Variants in GHR observed in about 807,000 individuals in gnomAD.
GHR encodes GH receptor.
In GHR, 35 loss-of-function variants were observed where a neutral mutation model predicts 67.1. That is an observed-to-expected ratio of 0.52 (90% CI 0.40 to 0.69). The LOEUF is 0.69. Ranked by LOEUF, GHR falls within the 30% of genes least tolerant of loss-of-function variation. GHR has a pLI of 0.00. For missense variants in GHR, 792 were observed against 764.6 expected (o/e 1.04, Z -0.42); for synonymous variants, 272 against 269.1 (o/e 1.01, Z -0.10).
intron 3 of GHR, among the ~76,000 whole-genome samples, chr5:42,656,196 A>C (rs1037525936): frequency 3.3e-5 from 5 of 152,148 alleles, no homozygotes; most frequent in African/African-American, 9.7e-5. Flanking sequence ...TCTCATAGCA[A>C]ATGCAACATG....
chr5:42,592,652 C>T (rs1254962184), intron 2 of GHR, among the ~76,000 whole-genome samples: 1 of 152,084 alleles, frequency 6.6e-6, no homozygotes, highest in Non-Finnish European at 1.5e-5. Flanking sequence ...TTTTCTTTAT[C>T]CAGTCTACTG....
chr5:42,518,402 T>C (rs181428845), intron 1 of GHR, among the ~76,000 whole-genome samples: 2 of 152,284 alleles, frequency 1.3e-5, no homozygotes, highest in Admixed American at 1.3e-4. Flanking sequence ...CCTTTTGGTA[T>C]GGAAGACATA....
intron 6 of GHR, among the ~76,000 whole-genome samples, chr5:42,703,078 A>C (rs1285289204): frequency 6.6e-6 from 1 of 151,944 alleles, no homozygotes; most frequent in Non-Finnish European, 1.5e-5. Context: ...CCGTTTATCT[A>C]TTTCCACTTT....
intron 1 of GHR, among the ~76,000 whole-genome samples, chr5:42,474,886 C>CT (rs577382742): frequency 0.024 from 2,921 of 122,030 alleles, 106 homozygotes; most frequent in African/African-American, 0.076. Context: ...TTTTTTTGCC[C>CT]TTTTTTTTTT....
intron 1 of GHR, among the ~76,000 whole-genome samples, chr5:42,450,784 C>T (rs1744016215): frequency 1.3e-5 from 2 of 152,036 alleles, no homozygotes; most frequent in Admixed American, 1.3e-4. Context: ...ATGAAATTTC[C>T]TCTTAGCATC....
At chr5:42,470,094 TTA>T (rs896831093) in intron 1 of GHR, among the ~76,000 whole-genome samples, 7 of 147,190 alleles carry the variant, frequency 4.8e-5, no homozygotes, top group East Asian at 1.9e-4. Context: ...ACATATTATA[TTA>T]TATGTCAATA....
intron 1 of GHR, among the ~76,000 whole-genome samples, chr5:42,524,196 T>A (rs771722936): frequency 6.6e-6 from 1 of 152,174 alleles, no homozygotes; most frequent in Non-Finnish European, 1.5e-5. Context: ...CAGGAAAATG[T>A]GGGAAAGTTT....
At chr5:42,479,479 C>T (rs1330365566) in intron 1 of GHR, among the ~76,000 whole-genome samples, 1 of 152,142 alleles carries the variant, frequency 6.6e-6, no homozygotes, top group Non-Finnish European at 1.5e-5. Context: ...TCTCCTTGTA[C>T]CTCTGGTAGA....
intron 1 of GHR, chr5:42,550,204 C>A: frequency 5.5e-6 from 2 of 365,840 alleles, no homozygotes; most frequent in African/African-American, 2.2e-5. Flanking sequence ...GCCCATTGGA[C>A]TGGGGACAGG....
chr5:42,529,978 T>C (rs1747886808), intron 1 of GHR, among the ~76,000 whole-genome samples: 1 of 146,792 alleles, frequency 6.8e-6, no homozygotes, highest in Admixed American at 6.9e-5. Context: ...TGAAAGAGAG[T>C]AAATCAGAAG....
At chr5:42,644,822 T>A (rs1385982608) in intron 3 of GHR, among the ~76,000 whole-genome samples, 1 of 152,146 alleles carries the variant, frequency 6.6e-6, no homozygotes, top group Admixed American at 6.5e-5. Flanking sequence ...TATTTTCTAT[T>A]TTTATGTTTA....
At position 42,718,968 on chromosome 5, in the gene GHR, T is replaced by C. The variant is rs752536091; in HGVS notation, c.1461T>C (p.Tyr487=). The part of the protein sequence containing the change: ...NPSSLSNIDF[Y]AQVSDITPAG... ...GTTCACTGTCAAACATCGACTTTTA[T>C]GCCCAGGTGAGCGACATTACACCAG... The change falls in exon 10 of 10, where the codon TAT becomes TAC. Residue 487 remains tyrosine (Y), a synonymous_variant. Coordinates refer to ENST00000230882, the MANE Select transcript of GHR (RefSeq NM_000163.5). 5 of 1,613,000 alleles carry C rather than the reference T, an allele frequency of 3.1e-6. No homozygotes were observed. In the African/African-American group the frequency reaches 6.7e-5, roughly 22 times the overall value.
At chr5:42,517,432 C>T (rs115794141) in intron 1 of GHR, among the ~76,000 whole-genome samples, 194 of 152,150 alleles carry the variant, frequency 1.3e-3, no homozygotes, top group African/African-American at 4.2e-3. Flanking sequence ...GGTAGGCACT[C>T]GGTAAATACT....
Position 42,479,042 on chromosome 5 carries a change from A to G in GHR, c.-12+55087A>G, listed in dbSNP as rs866078777. Among the ~76,000 whole-genome samples the G allele has an allele frequency of 2.0e-4, 31 of 152,226 alleles. No homozygotes were observed. The South Asian group carries it at 2.9e-3, about 14-fold the overall frequency. ...GAGTTTGTCATAGATAGCTCTTATT[A>G]TTTTGAGATATGTCCCATCATTACC... On this transcript the variant is annotated intron_variant, in intron 1 of 9. Transcript: ENST00000230882.
At chr5:42,499,375 C>G (rs1411658321) in intron 1 of GHR, among the ~76,000 whole-genome samples, 1 of 152,186 alleles carries the variant, frequency 6.6e-6, no homozygotes, top group Non-Finnish European at 1.5e-5. Context: ...CCCTGTGGCT[C>G]TTCATTGATC....
At chr5:42,696,942 A>G (rs993545121) in intron 5 of GHR, among the ~76,000 whole-genome samples, 2 of 152,218 alleles carry the variant, frequency 1.3e-5, no homozygotes, top group African/African-American at 4.8e-5. Context: ...TTGCAGTACC[A>G]CTTGTCTCTT....
chr5:42,546,348 T>A (rs1748731055), intron 1 of GHR, among the ~76,000 whole-genome samples: 1 of 152,168 alleles, frequency 6.6e-6, no homozygotes, highest in Non-Finnish European at 1.5e-5. Context: ...GTCTCAGACA[T>A]GTTCCACAAG....
intron 1 of GHR, among the ~76,000 whole-genome samples, chr5:42,495,905 T>A (rs114038211): frequency 3.7e-4 from 57 of 152,302 alleles, no homozygotes; most frequent in Admixed American, 1.1e-3. Flanking sequence ...TATCTATGCA[T>A]GCCTTCTTTG....
chr5:42,548,227 G>A, intron 1 of GHR: 1 of 985,110 alleles, frequency 1.0e-6, no homozygotes, highest in Non-Finnish European at 1.2e-6. Flanking sequence ...ATGTGTGTGT[G>A]TGCATGAGAG....
Sources: gnomAD v4.1 joint callset for allele counts (sites outside exome capture counted in the v4.1 genomes callset) on GRCh38, gnomAD v4.1.1 for gene constraint, MANE v1.5 for transcripts, NCBI Gene and HGNC (gene_info 2026-07-23, HGNC 2026-07-21) for gene names.